PIGK: variants seen among roughly 807,000 people sequenced by gnomAD.
PIGK encodes the protein phosphatidylinositol glycan anchor biosynthesis class K, also known as GPI-anchor transamidase.
A neutral mutation model predicts 50.6 loss-of-function variants in PIGK; 42 were observed. That is an observed-to-expected ratio of 0.83 (90% CI 0.65 to 1.07). The LOEUF is 1.07. Among genes scored for constraint, PIGK ranks in the 50% least tolerant of loss-of-function variants. The probability of loss-of-function intolerance (pLI) is 0.00; values close to 1 mark genes in which losing one functional copy is unlikely to be tolerated. For missense variants in PIGK, 448 were observed against 488.7 expected (o/e 0.92, Z 0.78); for synonymous variants, 151 against 156.0 (o/e 0.97, Z 0.24).
At position 77,089,664 on chromosome 1, in the gene PIGK, G is replaced by A. The variant is rs1483976148; in HGVS notation, c.*2710C>T. On this transcript the variant is annotated 3_prime_UTR_variant, in exon 11 of 11. Coordinates refer to ENST00000370812, the MANE Select transcript of PIGK (RefSeq NM_005482.3). The stretch of plus-strand genomic sequence containing the variant: ...GGAATCATCATTTTCAACTAGCTGG[G>A]AATATATAAAAATCAAAACCATAAA... 6.6e-6 allele frequency: 1 copy of A among 152,492 alleles called. No individual in the cohort carries two copies. Among genetic ancestry groups the A allele is most frequent in the Non-Finnish European group, 1.5e-5 (1 of 68,004 alleles). The allele number at this position is 152,492 out of a possible 1,614,324, so 9.4% of individuals were successfully genotyped here. A position where few individuals can be genotyped will look rare whatever the true frequency, so the allele number is the denominator to read the frequency against.
chr1:77,107,557 T>C (rs1356065867), intron 10 of PIGK, among the ~76,000 whole-genome samples: 2 of 152,182 alleles, frequency 1.3e-5, no homozygotes, highest in Non-Finnish European at 2.9e-5. Context: ...GAGAAGAATG[T>C]ATATTTTGTT....
At chr1:77,164,524 A>C (rs1184846255) in intron 5 of PIGK, among the ~76,000 whole-genome samples, 2 of 152,120 alleles carry the variant, frequency 1.3e-5, no homozygotes, top group African/African-American at 4.8e-5. Context: ...TTTAAAAGGT[A>C]CTTTCAACTG....
At chr1:77,124,565 C>T (rs565284653) in intron 9 of PIGK, among the ~76,000 whole-genome samples, 5 of 151,364 alleles carry the variant, frequency 3.3e-5, no homozygotes, top group Middle Eastern at 3.4e-3. Flanking sequence ...GCCAAGACTG[C>T]GCCACTGCAC....
At chr1:77,123,317 A>G (rs994939563) in intron 9 of PIGK, among the ~76,000 whole-genome samples, 2 of 152,202 alleles carry the variant, frequency 1.3e-5, no homozygotes, top group East Asian at 1.9e-4. Context: ...CTAAACTTTA[A>G]TTATCTTGAA....
intron 9 of PIGK, among the ~76,000 whole-genome samples, chr1:77,139,364 C>A (rs1654593238): frequency 6.6e-6 from 1 of 151,836 alleles, no homozygotes; most frequent in South Asian, 2.1e-4. Flanking sequence ...GTCACACAGT[C>A]CCCTGTAAAG....
intron 9 of PIGK, among the ~76,000 whole-genome samples, chr1:77,146,993 G>T (rs1461343690): frequency 6.6e-6 from 1 of 151,864 alleles, no homozygotes; most frequent in Non-Finnish European, 1.5e-5. Flanking sequence ...GGAAGGAGGG[G>T]AGGGGAGGTG....
intron 9 of PIGK, among the ~76,000 whole-genome samples, chr1:77,139,110 T>C (rs1185470281): frequency 6.6e-6 from 1 of 152,050 alleles, no homozygotes; most frequent in African/African-American, 2.4e-5. Context: ...TCCACAGTCT[T>C]TTCTCCTAAC....
chr1:77,121,604 G>A (rs986849682), intron 10 of PIGK, among the ~76,000 whole-genome samples: 1 of 152,148 alleles, frequency 6.6e-6, no homozygotes, highest in Non-Finnish European at 1.5e-5. Context: ...ACTATAATAT[G>A]TAAGTTTCTG....
chr1:77,177,454 C>T (rs1655513152), intron 3 of PIGK, among the ~76,000 whole-genome samples: 1 of 152,254 alleles, frequency 6.6e-6, no homozygotes, highest in South Asian at 2.1e-4. Flanking sequence ...GCCTTAAGGA[C>T]ATGCTCCTGC....
chr1:77,131,089 T>A (rs1404758700), intron 9 of PIGK, among the ~76,000 whole-genome samples: 1 of 152,068 alleles, frequency 6.6e-6, no homozygotes, highest in Admixed American at 6.6e-5. Flanking sequence ...TGTTCCTTTA[T>A]GATCTATAAT....
At chr1:77,138,166 T>A (rs974836299) in intron 9 of PIGK, among the ~76,000 whole-genome samples, 2 of 152,226 alleles carry the variant, frequency 1.3e-5, no homozygotes, top group African/African-American at 4.8e-5. Flanking sequence ...TGAGGGAATT[T>A]TGCAAATATA....
chr1:77,189,588 T>C (rs1452787429), intron 3 of PIGK, among the ~76,000 whole-genome samples: 1 of 151,544 alleles, frequency 6.6e-6, no homozygotes, highest in Admixed American at 6.6e-5. Flanking sequence ...CCCTCAAACA[T>C]TGGACTCCAA....
intron 5 of PIGK, 41 bp from the exon 6 acceptor site, chr1:77,163,983 C>T (rs917478497): frequency 1.9e-6 from 2 of 1,075,058 alleles, no homozygotes; most frequent in Admixed American, 3.9e-5. Context: ...TTTTTTAATG[C>T]AAACTGCATA....
At position 77,169,386 on chromosome 1, in the gene PIGK, G is replaced by A; in HGVS notation, c.249C>T (p.Val83=). 1 of 1,587,850 alleles carries A rather than the reference G, an allele frequency of 6.3e-7. No individual in the cohort carries two copies. The highest frequency in any genetic ancestry group is 8.5e-7 in the Non-Finnish European group (1 of 1,171,240). Residue 83 remains valine, a synonymous_variant, in exon 4 of 11, where the codon GTC becomes GTT. Transcript: ENST00000370812. ...AGGCCATATCATCTGCAAGCATTAG[G>A]ACAATGTGACTAGGGAAAAAAAATC... ...KRLGIPDSHI[V]LMLADDMACN... is the part of the protein sequence containing the mutation.
intron 3 of PIGK, among the ~76,000 whole-genome samples, chr1:77,173,687 T>C (rs1053794582): frequency 7.2e-5 from 11 of 152,252 alleles, no homozygotes; most frequent in African/African-American, 2.7e-4. Flanking sequence ...GCAAATTTGG[T>C]GTCCTTGTCT....
At chr1:77,192,527 A>C (rs1655934250) in intron 3 of PIGK, among the ~76,000 whole-genome samples, 2 of 152,158 alleles carry the variant, frequency 1.3e-5, no homozygotes, top group Non-Finnish European at 2.9e-5. Context: ...ATTAGCCAGC[A>C]AACTTCATTT....
chr1:77,170,091 A>G (rs1348768694), intron 3 of PIGK, among the ~76,000 whole-genome samples: 1 of 152,136 alleles, frequency 6.6e-6, no homozygotes, highest in Non-Finnish European at 1.5e-5. Flanking sequence ...TCATTCTCCT[A>G]ATAGCCCCCA....
At chr1:77,149,834 C>CAT (rs1654854392) in intron 9 of PIGK, among the ~76,000 whole-genome samples, 2 of 151,846 alleles carry the variant, frequency 1.3e-5, no homozygotes, top group African/African-American at 4.8e-5. Flanking sequence ...CAGGATAGAC[C>CAT]ATATGTTAGG....
chr1:77,120,578 T>G (rs1222406745), intron 10 of PIGK, among the ~76,000 whole-genome samples: 2 of 152,196 alleles, frequency 1.3e-5, no homozygotes, highest in African/African-American at 2.4e-5. Context: ...GTAACTCTTA[T>G]GTTTCTAAAA....
Sources: gnomAD v4.1 joint callset for allele counts (sites outside exome capture counted in the v4.1 genomes callset) on GRCh38, gnomAD v4.1.1 for gene constraint, MANE v1.5 for transcripts, NCBI Gene and HGNC (gene_info 2026-07-23, HGNC 2026-07-21) for gene names.